RANBP2: variants seen among roughly 807,000 people sequenced by gnomAD.
RANBP2 encodes E3 SUMO-protein ligase RanBP2.
Under a neutral mutation model 303.6 loss-of-function variants are expected in RANBP2, and 57 were observed. That is an observed-to-expected ratio of 0.19 (90% confidence interval 0.15 to 0.23). The LOEUF (loss-of-function observed/expected upper bound fraction) is 0.23, where lower values mean the gene tolerates loss of function less well. RANBP2 is among the 10% of genes least tolerant of loss of function. The pLI is 1.00. For missense variants in RANBP2, 3,138 were observed against 3,780.8 expected (o/e 0.83, Z 4.46); for synonymous variants, 1,167 against 1,301.5 (o/e 0.90, Z 2.23).
the RANBP2 span, among the ~76,000 whole-genome samples, chr2:109,094,509 A>T: frequency 1.3e-5 from 2 of 152,108 alleles, no homozygotes; most frequent in African/African-American, 2.4e-5. Flanking sequence ...CTGAGTATTT[A>T]TATGTGTTGT....
chr2:109,700,341 C>CCTAA, the RANBP2 span, among the ~76,000 whole-genome samples: 2 of 152,112 alleles, frequency 1.3e-5, no homozygotes, highest in African/African-American at 4.8e-5. Flanking sequence ...TGATGACGTA[C>CCTAA]CTAAGGTGGT....
At chr2:108,740,711 C>T (rs1301897427) in intron 7 of RANBP2, 30 bp downstream of exon 7, 1 of 1,597,234 alleles carries the variant, frequency 6.3e-7, no homozygotes, top group Non-Finnish European at 8.5e-7. Flanking sequence ...GAGCAATTGA[C>T]ATTTCACTGA....
the RANBP2 span, among the ~76,000 whole-genome samples, chr2:109,602,376 T>C: frequency 6.6e-6 from 1 of 152,146 alleles, no homozygotes; most frequent in Non-Finnish European, 1.5e-5. Context: ...ATCTCAAGGC[T>C]TATTTAAATA....
At chr2:109,312,509 T>C in the RANBP2 span, among the ~76,000 whole-genome samples, 6 of 152,106 alleles carry the variant, frequency 3.9e-5, no homozygotes, top group Non-Finnish European at 8.8e-5. Flanking sequence ...GGAAACTCTC[T>C]ACCCATCAGC....
the RANBP2 span, among the ~76,000 whole-genome samples, chr2:108,900,653 T>C: frequency 6.6e-6 from 1 of 151,782 alleles, no homozygotes. Context: ...TTCCCAGTTA[T>C]ATGCTGCCTA....
the RANBP2 span, among the ~76,000 whole-genome samples, chr2:109,375,935 A>G: frequency 6.6e-6 from 1 of 152,178 alleles, no homozygotes; most frequent in Non-Finnish European, 1.5e-5. Flanking sequence ...TCACCTGCAC[A>G]TTGGGGGCAT....
chr2:109,518,794 T>C, the RANBP2 span, among the ~76,000 whole-genome samples: 1 of 151,950 alleles, frequency 6.6e-6, no homozygotes, highest in Non-Finnish European at 1.5e-5. Flanking sequence ...CCACAGGCTG[T>C]ACAGGAAGCA....
chr2:108,898,989 G>A, the RANBP2 span, among the ~76,000 whole-genome samples: 1 of 152,036 alleles, frequency 6.6e-6, no homozygotes. Flanking sequence ...GGAGAAGAGA[G>A]TGGGACTAAA....
At chr2:109,477,497 A>G in the RANBP2 span, among the ~76,000 whole-genome samples, 1 of 152,216 alleles carries the variant, frequency 6.6e-6, no homozygotes, top group Non-Finnish European at 1.5e-5. Context: ...CCCGCCAGAC[A>G]CATGCTGAGG....
At chr2:108,925,847 C>G in the RANBP2 span, among the ~76,000 whole-genome samples, 36 of 152,162 alleles carry the variant, frequency 2.4e-4, no homozygotes, top group Non-Finnish European at 3.7e-4. Flanking sequence ...AACTTCTGAC[C>G]TCAAGTGATC....
chr2:109,209,521 G>A, the RANBP2 span, among the ~76,000 whole-genome samples: 4 of 152,156 alleles, frequency 2.6e-5, no homozygotes, highest in Non-Finnish European at 5.9e-5. Context: ...CAAGGGAGGC[G>A]AGAACTGTGC....
chr2:109,588,850 TAA>T, the RANBP2 span, among the ~76,000 whole-genome samples: 390 of 111,398 alleles, frequency 3.5e-3, 1 homozygote, highest in East Asian at 0.013. Context: ...CAATTACTAT[TAA>T]AAAAAAAAAA....
At chr2:109,733,296 AC>A in the RANBP2 span, among the ~76,000 whole-genome samples, 2 of 152,210 alleles carry the variant, frequency 1.3e-5, no homozygotes, top group Non-Finnish European at 2.9e-5. Context: ...TCAATGTAGT[AC>A]ATCACATTAT....
chr2:109,681,529 T>C, the RANBP2 span, among the ~76,000 whole-genome samples: 3,897 of 151,982 alleles, frequency 0.026, 127 homozygotes, highest in East Asian at 0.15. Flanking sequence ...AGGAGGAAAC[T>C]TTTAGGTGAG....
chr2:108,878,610 C>A, the RANBP2 span: 1 of 159,856 alleles, frequency 6.3e-6, no homozygotes. Flanking sequence ...ATATGCTCTG[C>A]AGTAGTAGGG....
chr2:108,789,624 C>G (rs751879082), downstream of RANBP2, among the ~76,000 whole-genome samples: 1 of 152,062 alleles, frequency 6.6e-6, no homozygotes, highest in Non-Finnish European at 1.5e-5. Context: ...AAAAAAACTG[C>G]CATACAGGTT....
At chr2:109,609,704 G>T in the RANBP2 span, among the ~76,000 whole-genome samples, 3 of 151,306 alleles carry the variant, frequency 2.0e-5, no homozygotes, top group Non-Finnish European at 2.9e-5. Context: ...TCTTAGATAC[G>T]AAAATTATCC....
chr2:109,631,617 G>A, the RANBP2 span, among the ~76,000 whole-genome samples: 957 of 152,114 alleles, frequency 6.3e-3, 8 homozygotes, highest in African/African-American at 0.021. Flanking sequence ...TTAGTAGGGC[G>A]TGATGGCGGG....
chr2:109,421,610 C>G, the RANBP2 span, among the ~76,000 whole-genome samples: 2 of 152,210 alleles, frequency 1.3e-5, no homozygotes, highest in Non-Finnish European at 2.9e-5. Flanking sequence ...CCCTGGGGGA[C>G]AGGGTTGCTG....
Sources: gnomAD v4.1 joint callset for allele counts (sites outside exome capture counted in the v4.1 genomes callset) on GRCh38, gnomAD v4.1.1 for gene constraint, MANE v1.5 for transcripts, NCBI Gene and HGNC (gene_info 2026-07-23, HGNC 2026-07-21) for gene names.